The following SEPTIN11 variants were observed in gnomAD, a reference collection of about 807,000 sequenced individuals.
The protein encoded by SEPTIN11 is septin 11, also known as septin-11.
A neutral mutation model predicts 51.4 loss-of-function variants in SEPTIN11; 25 were observed. The ratio of observed to expected loss-of-function variants is 0.49; its 90% CI spans 0.35 to 0.68. SEPTIN11 has a LOEUF of 0.68. Among genes scored for constraint, SEPTIN11 ranks in the 30% least tolerant of loss-of-function variants. The pLI, the probability that SEPTIN11 is intolerant of heterozygous loss-of-function variation, is 0.00. For missense variants in SEPTIN11, 381 were observed against 520.8 expected (o/e 0.73, Z 2.61); for synonymous variants, 174 against 184.1 (o/e 0.95, Z 0.44).
chr4:77,018,380 C>G (rs1725457421), intron 5 of SEPTIN11, among the ~76,000 whole-genome samples: 1 of 150,982 alleles, frequency 6.6e-6, no homozygotes, highest in Admixed American at 6.6e-5. Context: ...ACCCGGAGGG[C>G]AGAGCTTGCA....
At chr4:76,951,229 C>T (rs1486739621) in intron 1 of SEPTIN11, among the ~76,000 whole-genome samples, 1 of 152,148 alleles carries the variant, frequency 6.6e-6, no homozygotes, top group Non-Finnish European at 1.5e-5. Flanking sequence ...GGTCCCTTTG[C>T]GGATTCTAAT....
At chr4:76,968,052 G>A (rs1722099797) in intron 1 of SEPTIN11, among the ~76,000 whole-genome samples, 1 of 152,128 alleles carries the variant, frequency 6.6e-6, no homozygotes, top group African/African-American at 2.4e-5. Context: ...AGCAAATGTG[G>A]CTCCGCAAAA....
rs28572498 is a variant in SEPTIN11 at position 77,024,017 on chromosome 4, C to T, written c.953+3347C>T. The stretch of plus-strand genomic sequence containing the variant: ...GTTCATCCTTCCCAGTGAGCACCCT[C>T]GTTCACCTTTTGTCCTCTGGGCCCC... On this transcript the variant is annotated intron_variant, in intron 7 of 9. Coordinates refer to ENST00000264893, the MANE Select transcript of SEPTIN11 (RefSeq NM_018243.4). This position sits in a 1 kb window ranked among gnomAD's most constrained non-coding sequence, Gnocchi z 4.2. Among the ~76,000 whole-genome samples the T allele has an allele frequency of 0.25, 38,062 of 152,028 alleles. 5,343 individuals are homozygous for T. The highest frequency in any genetic ancestry group is 0.39 in the East Asian group (1,996 of 5,156).
intron 7 of SEPTIN11, among the ~76,000 whole-genome samples, chr4:77,022,947 A>G (rs918978662): frequency 3.3e-5 from 5 of 151,996 alleles, no homozygotes; most frequent in African/African-American, 1.2e-4. Flanking sequence ...GATTGTGAGG[A>G]TTTCCTGCTG....
At chr4:76,973,318 A>G (rs1054643520) in intron 1 of SEPTIN11, among the ~76,000 whole-genome samples, 1 of 152,196 alleles carries the variant, frequency 6.6e-6, no homozygotes, top group Non-Finnish European at 1.5e-5. Context: ...CTTGTTCCAC[A>G]GCATCCCTTC....
chr4:76,990,428 A>G (rs1049233547), intron 1 of SEPTIN11, among the ~76,000 whole-genome samples: 13 of 152,062 alleles, frequency 8.5e-5, no homozygotes, highest in African/African-American at 2.4e-4. Flanking sequence ...GGAGTCCCCA[A>G]TCCCCAGGCT....
chr4:76,995,684 C>A, intron 1 of SEPTIN11: 1 of 1,129,928 alleles, frequency 8.9e-7, no homozygotes, highest in South Asian at 2.0e-5. Flanking sequence ...CAGCCAGTAC[C>A]ATTTTATATA....
chr4:76,992,726 A>T (rs566984254), intron 1 of SEPTIN11, among the ~76,000 whole-genome samples: 1 of 152,268 alleles, frequency 6.6e-6, no homozygotes, highest in African/African-American at 2.4e-5. Flanking sequence ...GTTTGGTGAA[A>T]TTTTCCCCAA....
chr4:76,957,717 C>A (rs763544300), intron 1 of SEPTIN11, among the ~76,000 whole-genome samples: 1 of 152,078 alleles, frequency 6.6e-6, no homozygotes, highest in African/African-American at 2.4e-5. Context: ...CTGAACCACA[C>A]AGGCTTCCCA....
At chr4:77,019,731 A>G (rs1725562913) in intron 6 of SEPTIN11, among the ~76,000 whole-genome samples, 1 of 152,226 alleles carries the variant, frequency 6.6e-6, no homozygotes, top group Admixed American at 6.5e-5. Flanking sequence ...GGACATGGCC[A>G]CAGTCTAACC....
In SEPTIN11 at chr4:77,016,655, T is replaced by TAC. The variant is rs1454107199; in HGVS notation, c.687+1642_687+1643dup. ...ACACATATATATATATATATATATATACACATATATATATATATATGGCCA... is the reference window on the plus strand; with the variant it reads ...ACACATATATATATATATATATATATACACACATATATATATATATATGGCCA... On this transcript the variant is annotated intron_variant, in intron 5 of 9. Coordinates refer to ENST00000264893, the MANE Select transcript of SEPTIN11 (RefSeq NM_018243.4). 3.1e-4 allele frequency among the ~76,000 whole-genome samples: 34 copies of TAC among 109,042 alleles called. 2 individuals are homozygous for TAC. Among genetic ancestry groups the TAC allele is most frequent in the East Asian group, 1.4e-3 (6 of 4,174 alleles). 71.5% of individuals were successfully genotyped at this position (109,042 alleles called of 152,430 possible). A position where few individuals can be genotyped will look rare whatever the true frequency, so the allele number is the denominator to read the frequency against.
chr4:77,016,633 C>CACATATATAT (rs1375044162), intron 5 of SEPTIN11, among the ~76,000 whole-genome samples: 1,877 of 72,730 alleles, frequency 0.026, 92 homozygotes, highest in Middle Eastern at 0.053. Flanking sequence ...TATATATACA[C>CACATATATAT]ATATATATAT....
intron 5 of SEPTIN11, 73 bp downstream of exon 5, chr4:77,015,090 C>T: frequency 3.4e-6 from 5 of 1,464,362 alleles, no homozygotes; most frequent in Non-Finnish European, 4.7e-6. Context: ...TGTAGAGTGG[C>T]TGGAGCACTG....
rs72860203 is a variant in SEPTIN11, at chr4:77,022,029, G to A, written c.953+1359G>A. 5.2e-3 allele frequency among the ~76,000 whole-genome samples: 790 copies of A among 152,326 alleles called. 6 individuals are homozygous for A. The highest frequency in any genetic ancestry group is 0.018 in the African/African-American group (763 of 41,576). The stretch of plus-strand genomic sequence containing the variant: ...CCATGTGAAAGTCATGTTCTGAGGC[G>A]AGGTGTAGGACACCTTTTTGTGTAC... On this transcript the variant is annotated intron_variant, in intron 7 of 9. Coordinates refer to ENST00000264893, the MANE Select transcript of SEPTIN11 (RefSeq NM_018243.4).
At chr4:76,962,209 G>A (rs1721851896) in intron 1 of SEPTIN11, among the ~76,000 whole-genome samples, 1 of 152,196 alleles carries the variant, frequency 6.6e-6, no homozygotes, top group South Asian at 2.1e-4. Flanking sequence ...CTGTGGGTTT[G>A]TGCTGGAAAG....
chr4:77,027,613 G>A (rs1331396008), intron 7 of SEPTIN11, among the ~76,000 whole-genome samples: 3 of 152,188 alleles, frequency 2.0e-5, no homozygotes, highest in African/African-American at 7.2e-5. Flanking sequence ...CCAGTTTGTA[G>A]TCTACACTTT....
In SEPTIN11 at chr4:77,037,049, C is replaced by T. The variant is rs140331836; in HGVS notation, c.*2537C>T. The T allele has an allele frequency of 6.6e-4, 780 of 1,186,868 alleles. 5 individuals are homozygous for T. The African/African-American group carries it at 0.012, about 18-fold the overall frequency. 73.5% of individuals were successfully genotyped at this position (1,186,868 alleles called of 1,614,324 possible). A position where few individuals can be genotyped will look rare whatever the true frequency, so the allele number is the denominator to read the frequency against. The stretch of plus-strand genomic sequence containing the variant: ...CACATAATAAATTCCACTTCTTGAC[C>T]TGAATTTGGAAATCCGAAATTACTA... On this transcript the variant is annotated 3_prime_UTR_variant, in exon 10 of 10. Coordinates refer to ENST00000264893, the MANE Select transcript of SEPTIN11 (RefSeq NM_018243.4).
Position 76,949,939 on chromosome 4 carries a change from TG to T in SEPTIN11, c.27+13del, listed in dbSNP as rs1275562963. ...CCGTGGGGAGACCGTCTGTGAGTGC[TG>T]GGGCCTCGCCTGCTGCTCCTCGGGC... is the stretch of plus-strand genomic sequence containing the variant. On this transcript the variant is annotated intron_variant, in intron 1 of 9. Coordinates refer to ENST00000264893, the MANE Select transcript of SEPTIN11 (RefSeq NM_018243.4). 6.7e-7 allele frequency: 1 copy of T among 1,499,366 alleles called. No individual in the cohort carries two copies. The highest frequency in any genetic ancestry group is 8.8e-7 in the Non-Finnish European group (1 of 1,130,980). The allele number at this position is 1,499,366 out of a possible 1,614,324, so 92.9% of individuals were successfully genotyped here.
At chr4:76,966,714 T>TTAGCTGGG (rs1722050138) in intron 1 of SEPTIN11, among the ~76,000 whole-genome samples, 1 of 151,510 alleles carries the variant, frequency 6.6e-6, no homozygotes, top group African/African-American at 2.4e-5. Flanking sequence ...AATACAAGAA[T>TTAGCTGGG]TAGCTGGGAG....
Sources: allele counts gnomAD v4.1 joint callset (sites outside exome capture counted in the v4.1 genomes callset), GRCh38; gene constraint gnomAD v4.1.1; non-coding constraint Gnocchi (gnomAD v3.1); transcripts MANE v1.5; gene names NCBI Gene and HGNC (gene_info 2026-07-23, HGNC 2026-07-21).